The following MTREX variants were observed in gnomAD, a reference collection of about 807,000 sequenced individuals.
MTREX encodes the protein exosome RNA helicase MTR4.
MTREX carries 76 observed loss-of-function variants against 135.4 expected under a neutral mutation model. That is an observed-to-expected ratio of 0.56 (90% CI 0.47 to 0.68). The LOEUF (loss-of-function observed/expected upper bound fraction) is 0.68. Among genes scored for constraint, MTREX ranks in the 30% least tolerant of loss-of-function variants. The pLI, the probability that MTREX is intolerant of heterozygous loss-of-function variation, is 0.00. For missense variants in MTREX, 920 were observed against 1,262.1 expected (o/e 0.73, Z 4.11); for synonymous variants, 404 against 401.6 (o/e 1.01, Z -0.07).
Position 55,322,342 on chromosome 5 carries a change from T to C in MTREX, c.150T>C (p.Gly50=). Residue 50 remains glycine (G), a synonymous_variant, in exon 2 of 27, where the codon GGT becomes GGC. Coordinates refer to ENST00000230640, the MANE Select transcript of MTREX (RefSeq NM_015360.5). ...SADKAGKRFD[G]KLQSESTNNG... is the part of the protein sequence containing the mutation. ...TACTTTTCAGGAAACGTTTTGATGG[T>C]AAATTACAATCAGAATCAACTAATA... 1 of 1,601,798 alleles carries C rather than the reference T, an allele frequency of 6.2e-7. No homozygotes were observed. Among genetic ancestry groups the C allele is most frequent in the Non-Finnish European group, 8.5e-7 (1 of 1,176,056 alleles).
At position 55,386,634 on chromosome 5, in the gene MTREX, A is replaced by G. The variant is rs189378024; in HGVS notation, c.2053-1340A>G. 3.3e-5 allele frequency among the ~76,000 whole-genome samples: 5 copies of G among 152,252 alleles called. No homozygotes were observed. In the East Asian group the frequency reaches 9.6e-4, roughly 29 times the overall value. ...TAGATGATTATGTATGATATACTTG[A>G]GTTATAATAGTCACTTCTGTGATTG... is the stretch of plus-strand genomic sequence containing the variant. On this transcript the variant is annotated intron_variant, in intron 18 of 26. Coordinates refer to ENST00000230640, the MANE Select transcript of MTREX (RefSeq NM_015360.5).
intron 21 of MTREX, among the ~76,000 whole-genome samples, chr5:55,401,031 C>CGTGCATG (rs1561209079): frequency 2.0e-5 from 3 of 152,042 alleles, no homozygotes; most frequent in Non-Finnish European, 2.9e-5. Flanking sequence ...GTGCGTGCGT[C>CGTGCATG]CGTGCATGCG....
chr5:55,318,350 C>T (rs1749232531), intron 1 of MTREX, among the ~76,000 whole-genome samples: 3 of 152,112 alleles, frequency 2.0e-5, no homozygotes, highest in African/African-American at 7.2e-5. Context: ...TTCACAATAG[C>T]AAAGACATGG....
At chr5:55,330,464 C>T (rs763844079) in intron 5 of MTREX, among the ~76,000 whole-genome samples, 12 of 151,658 alleles carry the variant, frequency 7.9e-5, no homozygotes, top group East Asian at 1.9e-4. Context: ...TCCTTTTTTT[C>T]GTAATGTTTT....
intron 16 of MTREX, among the ~76,000 whole-genome samples, chr5:55,368,863 A>G (rs1335856696): frequency 6.6e-6 from 1 of 152,216 alleles, no homozygotes; most frequent in Non-Finnish European, 1.5e-5. Context: ...TGATCTCAAC[A>G]CTCACCTTTA....
At position 55,366,783 on chromosome 5, in the gene MTREX, T is replaced by TA; in HGVS notation, c.1719dup (p.Leu574ThrfsTer7). ...TTGACCTACAACATGGTTTTGAACT[T>TA]ACTACGTGTAGAAGAAATTAATCCT... On this transcript the variant is annotated frameshift_variant, in exon 16 of 27. Coordinates refer to ENST00000230640, the MANE Select transcript of MTREX (RefSeq NM_015360.5). LOFTEE classifies it high-confidence loss of function. 1.2e-6 allele frequency: 2 copies of TA among 1,611,740 alleles called. No homozygotes were observed. Among genetic ancestry groups the TA allele is most frequent in the East Asian group, 2.2e-5 (1 of 44,834 alleles).
At chr5:55,404,271 T>C (rs1227943076) in intron 21 of MTREX, among the ~76,000 whole-genome samples, 1 of 152,212 alleles carries the variant, frequency 6.6e-6, no homozygotes, top group African/African-American at 2.4e-5. Context: ...TTTGTTCTTG[T>C]ACTACTGTAT....
At chr5:55,349,238 G>C (rs537785614) in intron 11 of MTREX, among the ~76,000 whole-genome samples, 2 of 150,528 alleles carry the variant, frequency 1.3e-5, no homozygotes, top group African/African-American at 4.9e-5. Context: ...CAGGACTGGA[G>C]TGTAGTGGTG....
At chr5:55,364,292 T>A (rs1302563921) in intron 15 of MTREX, among the ~76,000 whole-genome samples, 1 of 152,230 alleles carries the variant, frequency 6.6e-6, no homozygotes, top group East Asian at 1.9e-4. Context: ...GGTGTTCAGT[T>A]CTGAGCCTCA....
chr5:55,320,219 CTT>C (rs375766049), intron 1 of MTREX, among the ~76,000 whole-genome samples: 41 of 136,532 alleles, frequency 3.0e-4, no homozygotes, highest in Admixed American at 4.4e-4. Flanking sequence ...ATTAAAAAGT[CTT>C]TTTTTTTTTT....
chr5:55,348,256 G>A (rs920903456), intron 11 of MTREX, among the ~76,000 whole-genome samples: 1 of 152,082 alleles, frequency 6.6e-6, no homozygotes, highest in African/African-American at 2.4e-5. Flanking sequence ...GAAGGGGGCT[G>A]AACTCATCTT....
chr5:55,418,474 C>T (rs1751006704), intron 25 of MTREX, among the ~76,000 whole-genome samples: 1 of 148,528 alleles, frequency 6.7e-6, no homozygotes, highest in African/African-American at 2.5e-5. Flanking sequence ...TTTTCCACAG[C>T]ATACCAGCAT....
At chr5:55,407,830 C>T (rs944991278) in intron 22 of MTREX, among the ~76,000 whole-genome samples, 8 of 152,040 alleles carry the variant, frequency 5.3e-5, no homozygotes, top group African/African-American at 1.9e-4. Context: ...CTCGGCTCAC[C>T]GCAGCCTCAA....
At chr5:55,385,383 T>C (rs896328655) in intron 18 of MTREX, among the ~76,000 whole-genome samples, 12 of 152,152 alleles carry the variant, frequency 7.9e-5, no homozygotes, top group African/African-American at 2.9e-4. Flanking sequence ...GGGGAGCCTC[T>C]ACCTTTCAGC....
At chr5:55,392,170 G>A (rs540188112) in intron 19 of MTREX, among the ~76,000 whole-genome samples, 20 of 152,214 alleles carry the variant, frequency 1.3e-4, no homozygotes, top group Non-Finnish European at 2.6e-4. Flanking sequence ...ATTGTGTGTG[G>A]CCACCAAGGT....
At chr5:55,352,058 G>GT (rs1244687665) in intron 13 of MTREX, among the ~76,000 whole-genome samples, 1 of 150,654 alleles carries the variant, frequency 6.6e-6, no homozygotes, top group Non-Finnish European at 1.5e-5. Context: ...TTTTGTTTTT[G>GT]TTTTTTTGTA....
In MTREX at chr5:55,425,156, C is replaced by CA; in HGVS notation, c.*385dup. On this transcript the variant is annotated 3_prime_UTR_variant, in exon 27 of 27. Transcript: ENST00000230640. ...ATGCATCCTCTTGCCTTGTGGCAAT[C>CA]ATTTTCCTTTAGAAAACAGGCCAGC... The CA allele has an allele frequency of 6.3e-7, 1 of 1,580,648 alleles. No individual in the cohort carries two copies. Among genetic ancestry groups the CA allele is most frequent in the East Asian group, 2.2e-5 (1 of 44,670 alleles).
At chr5:55,322,037 AATG>A (rs1749297744) in intron 1 of MTREX, among the ~76,000 whole-genome samples, 2 of 152,230 alleles carry the variant, frequency 1.3e-5, no homozygotes, top group Non-Finnish European at 2.9e-5. Flanking sequence ...GTTAATGTCT[AATG>A]ATGTTTTAAT....
chr5:55,384,986 C>G (rs571756492), intron 18 of MTREX, among the ~76,000 whole-genome samples: 25 of 152,208 alleles, frequency 1.6e-4, no homozygotes, highest in Middle Eastern at 3.2e-3. Flanking sequence ...CTACCAGTTG[C>G]ATTTCACCAC....
Sources: gnomAD v4.1 joint callset for allele counts (sites outside exome capture counted in the v4.1 genomes callset) on GRCh38, gnomAD v4.1.1 for gene constraint, MANE v1.5 for transcripts, NCBI Gene and HGNC (gene_info 2026-07-23, HGNC 2026-07-21) for gene names.